Variants in HECTD2 observed in about 807,000 individuals in gnomAD.
HECTD2 encodes probable E3 ubiquitin-protein ligase HECTD2.
In HECTD2, 35 loss-of-function variants were observed where a neutral mutation model predicts 103.2. The observed-to-expected ratio is 0.34, with a 90% CI of 0.26 to 0.45. The LOEUF (loss-of-function observed/expected upper bound fraction) is 0.45, where lower values mean the gene tolerates loss of function less well. Ranked by LOEUF, HECTD2 falls within the 20% of genes least tolerant of loss-of-function variation. The pLI is 1.00. For synonymous variants in HECTD2, 281 were observed against 329.9 expected (o/e 0.85, Z 1.61); for missense variants, 596 against 937.4 (o/e 0.64, Z 4.76).
chr10:91,432,406 GC>G (rs1843923982), intron 2 of HECTD2, among the ~76,000 whole-genome samples: 2 of 151,860 alleles, frequency 1.3e-5, no homozygotes, highest in South Asian at 4.2e-4. Flanking sequence ...GACTAGGTAT[GC>G]CTGTCAAATT....
At chr10:91,410,310 TGGCGGCGGC>T (rs1372809975), upstream of HECTD2, 7 of 355,432 alleles carry the variant, frequency 2.0e-5, no homozygotes, top group Non-Finnish European at 2.4e-5. Flanking sequence ...GGGGGCGGAG[TGGCGGCGGC>T]AGCGGCGGCT....
chr10:91,417,160 G>A (rs937919072), intron 1 of HECTD2, among the ~76,000 whole-genome samples: 2 of 152,042 alleles, frequency 1.3e-5, no homozygotes, highest in Admixed American at 6.5e-5. Context: ...TTATAGTTTT[G>A]TAGTTAACTC....
chr10:91,501,129 A>G (rs1846884878), intron 19 of HECTD2, 62 bp from the exon 20 acceptor site: 1 of 1,400,298 alleles, frequency 7.1e-7, no homozygotes, highest in Admixed American at 1.9e-5. Flanking sequence ...CTTCCTTTAT[A>G]TTACTTTATT....
intron 11 of HECTD2, chr10:91,488,481 G>A (rs1846345921): frequency 6.6e-6 from 1 of 152,020 alleles, no homozygotes; most frequent in African/African-American, 2.4e-5. Flanking sequence ...TAAACTATTT[G>A]TTTAAGTGCT....
intron 2 of HECTD2, among the ~76,000 whole-genome samples, chr10:91,444,579 C>T (rs1005553267): frequency 3.3e-5 from 5 of 152,154 alleles, no homozygotes; most frequent in Non-Finnish European, 5.9e-5. Context: ...CGACATTCAG[C>T]TATTAAGAAA....
chr10:91,492,543 AG>A, intron 13 of HECTD2, 59 bp downstream of exon 13: 1 of 1,269,004 alleles, frequency 7.9e-7, no homozygotes. Context: ...AGAGTGAAGT[AG>A]TCACCCTTAT....
Position 91,410,544 on chromosome 10 carries a change from C to G in HECTD2, c.106C>G (p.Pro36Ala). Residue 36 changes from proline (P) to alanine (A), a missense_variant, in exon 1 of 21, where the codon CCC becomes GCC. This residue lies in a region of HECTD2 where 220 missense variants were observed against 233.9 expected (regional missense o/e 0.94). Coordinates refer to ENST00000298068, the MANE Select transcript of HECTD2 (RefSeq NM_182765.6). ...GKESEREKLP[P>A]IVSAGAGATA... ...GGAGTCAGAGCGCGAGAAGCTGCCG[C>G]CCATCGTATCGGCGGGCGCCGGCGC... 2 of 1,463,078 alleles carry G rather than the reference C, an allele frequency of 1.4e-6. No homozygotes were observed. The highest frequency in any genetic ancestry group is 1.8e-6 in the Non-Finnish European group (2 of 1,108,948). 90.6% of individuals were successfully genotyped at this position (1,463,078 alleles called of 1,614,324 possible).
At chr10:91,470,597 A>G (rs1226687303) in intron 5 of HECTD2, among the ~76,000 whole-genome samples, 2 of 152,152 alleles carry the variant, frequency 1.3e-5, no homozygotes, top group Admixed American at 1.3e-4. Context: ...AAAATGTTAG[A>G]TCTCAAGTAA....
In HECTD2 at chr10:91,513,306, G is replaced by GACTT. The variant is rs1334698395; in HGVS notation, c.*924_*927dup. ...TATAAATCTTTTGAATCATGTACAAGACTTATATCTACATTTTTTGATCAC... is the reference window on the plus strand; with the variant it reads ...TATAAATCTTTTGAATCATGTACAAGACTTACTTATATCTACATTTTTTGATCAC... On this transcript the variant is annotated 3_prime_UTR_variant, in exon 21 of 21. Coordinates refer to ENST00000298068, the MANE Select transcript of HECTD2 (RefSeq NM_182765.6). 1 of 152,542 alleles carries GACTT rather than the reference G, an allele frequency of 6.6e-6. No homozygotes were observed. The highest frequency in any genetic ancestry group is 1.5e-5 in the Non-Finnish European group (1 of 68,016). The allele number at this position is 152,542 out of a possible 1,614,324, so 9.4% of individuals were successfully genotyped here. A position where few individuals can be genotyped will look rare whatever the true frequency, so the allele number is the denominator to read the frequency against.
intron 9 of HECTD2, 33 bp downstream of exon 9, chr10:91,484,688 T>C: frequency 6.6e-7 from 1 of 1,525,942 alleles, no homozygotes; most frequent in East Asian, 2.3e-5. Context: ...TTTTTTACTT[T>C]TCTTTTGTTA....
At chr10:91,429,194 A>G (rs750555211) in intron 2 of HECTD2, among the ~76,000 whole-genome samples, 12 of 152,022 alleles carry the variant, frequency 7.9e-5, no homozygotes, top group African/African-American at 2.9e-4. Context: ...TGATTTGCAT[A>G]TATTGAACCA....
At chr10:91,501,573 G>A (rs1846901314) in intron 20 of HECTD2, among the ~76,000 whole-genome samples, 2 of 152,062 alleles carry the variant, frequency 1.3e-5, no homozygotes, top group Admixed American at 1.3e-4. Context: ...GGTCATATAA[G>A]TGCTTTGTAG....
intron 2 of HECTD2, among the ~76,000 whole-genome samples, chr10:91,455,077 A>T (rs889230536): frequency 6.7e-6 from 1 of 149,678 alleles, no homozygotes; most frequent in South Asian, 2.1e-4. Flanking sequence ...TCCTTTGAAT[A>T]TATACCCAGT....
rs1193513841 is a variant in HECTD2, at chr10:91,514,603, A to G, written c.*2219A>G. On this transcript the variant is annotated 3_prime_UTR_variant, in exon 21 of 21. Coordinates refer to ENST00000298068, the MANE Select transcript of HECTD2 (RefSeq NM_182765.6). ...AAAGCATTACACAGTATTTATCAGT[A>G]TTTTTTAAACATCCTGTCCTTTTTT... 1 of 152,558 alleles carries G rather than the reference A, an allele frequency of 6.6e-6. No homozygotes were observed. The highest frequency in any genetic ancestry group is 1.5e-5 in the Non-Finnish European group (1 of 68,006). The allele number at this position is 152,558 out of a possible 1,614,324, so 9.5% of individuals were successfully genotyped here.
At chr10:91,486,896 G>C (rs1271393609) in intron 10 of HECTD2, 2 of 151,870 alleles carry the variant, frequency 1.3e-5, no homozygotes, top group African/African-American at 4.8e-5. Flanking sequence ...TTTCTCAGTG[G>C]TCACAGTTGT....
intron 1 of HECTD2, among the ~76,000 whole-genome samples, chr10:91,415,393 A>G (rs7904419): frequency 3.5e-4 from 53 of 152,360 alleles, no homozygotes; most frequent in African/African-American, 1.3e-3. Flanking sequence ...TTACAAATAT[A>G]CAAAATAAGT....
At position 91,460,583 on chromosome 10, in the gene HECTD2, T is replaced by C. The variant is rs908008015; in HGVS notation, c.407+18T>C. On this transcript the variant is annotated intron_variant, in intron 3 of 20. Transcript: ENST00000298068. ...GACTTTCAGTAAGTTTCAGCTATTATATGTAAATGTATAGTCATCTGCATG... is the reference window on the plus strand; with the variant it reads ...GACTTTCAGTAAGTTTCAGCTATTACATGTAAATGTATAGTCATCTGCATG... 2.5e-6 allele frequency: 4 copies of C among 1,597,506 alleles called. No homozygotes were observed. Among genetic ancestry groups the C allele is most frequent in the Middle Eastern group, 1.7e-4 (1 of 6,006 alleles).
chr10:91,484,369 T>C (rs1846194462), intron 8 of HECTD2, 138 bp from the exon 9 acceptor site: 1 of 1,436,276 alleles, frequency 7.0e-7, no homozygotes, highest in African/African-American at 1.4e-5. Context: ...TCTTTTCAAA[T>C]GTTTGGCAAT....
chr10:91,500,033 G>C (rs1172872259), intron 18 of HECTD2, among the ~76,000 whole-genome samples: 1 of 152,148 alleles, frequency 6.6e-6, no homozygotes, highest in Non-Finnish European at 1.5e-5. Flanking sequence ...CATGGTCTCT[G>C]TGTTTTAGAG....
Sources: allele counts gnomAD v4.1 joint callset (sites outside exome capture counted in the v4.1 genomes callset), GRCh38; gene constraint gnomAD v4.1.1; regional missense constraint gnomAD v4.1.1; transcripts MANE v1.5; gene names NCBI Gene and HGNC (gene_info 2026-07-23, HGNC 2026-07-21).